The following ZC3H7B variants were observed in gnomAD, a reference collection of about 807,000 sequenced individuals.
ZC3H7B encodes zinc finger CCCH domain-containing protein 7B.
ZC3H7B carries 35 observed loss-of-function variants against 116.0 expected under a neutral mutation model. That is an observed-to-expected ratio of 0.30 (90% CI 0.23 to 0.40). The LOEUF is 0.40. Ranked by LOEUF, ZC3H7B falls within the 10% of genes least tolerant of loss-of-function variation. ZC3H7B has a pLI of 1.00. For missense variants in ZC3H7B, 1,011 were observed against 1,321.5 expected, an observed-to-expected ratio of 0.77 and a Z score of 3.64; for synonymous variants, 502 against 545.6, an observed-to-expected ratio of 0.92 and a Z score of 1.11.
At chr22:41,331,252 A>T (rs1456148458) in intron 6 of ZC3H7B, among the ~76,000 whole-genome samples, 5 of 147,852 alleles carry the variant, frequency 3.4e-5, no homozygotes, top group African/African-American at 7.5e-5. Context: ...TGTCTCAAAA[A>T]AAATAAATAA....
chr22:41,315,304 G>A (rs1288077869), intron 1 of ZC3H7B, among the ~76,000 whole-genome samples: 2 of 151,116 alleles, frequency 1.3e-5, no homozygotes, highest in African/African-American at 4.9e-5. Flanking sequence ...AGCTTCCTGA[G>A]TAGATGGGAC....
At chr22:41,323,102 G>A (rs934784783) in intron 2 of ZC3H7B, among the ~76,000 whole-genome samples, 3 of 152,288 alleles carry the variant, frequency 2.0e-5, no homozygotes, top group African/African-American at 2.4e-5. Context: ...GGTGTCCTGC[G>A]CTGGGCTGAT....
chr22:41,326,063 G>A (rs2036313846), intron 4 of ZC3H7B, 145 bp downstream of exon 4: 4 of 977,612 alleles, frequency 4.1e-6, no homozygotes, highest in Admixed American at 2.7e-5. Flanking sequence ...GTCTGTTCTC[G>A]TGGCTCTTAA....
intron 1 of ZC3H7B, among the ~76,000 whole-genome samples, chr22:41,303,641 T>C (rs2036002959): frequency 6.6e-6 from 1 of 152,204 alleles, no homozygotes; most frequent in African/African-American, 2.4e-5. Flanking sequence ...TTGTGTGTCT[T>C]GCTGGAAAGT....
chr22:41,348,672 G>A (rs1312238350), intron 15 of ZC3H7B, among the ~76,000 whole-genome samples: 2 of 152,184 alleles, frequency 1.3e-5, no homozygotes, highest in East Asian at 3.9e-4. Flanking sequence ...ACAGACCTGG[G>A]TCCAATTCCT....
intron 2 of ZC3H7B, among the ~76,000 whole-genome samples, chr22:41,324,319 C>G (rs945748645): frequency 6.6e-6 from 1 of 152,180 alleles, no homozygotes; most frequent in Non-Finnish European, 1.5e-5. Context: ...CACGCATGTG[C>G]ATACACAGCC....
chr22:41,336,748 A>G (rs2036453229), intron 7 of ZC3H7B: 1 of 151,708 alleles, frequency 6.6e-6, no homozygotes, highest in Admixed American at 6.6e-5. Context: ...GGAGGCCGAG[A>G]TTAGAGAATC....
chr22:41,339,978 C>G lies in ZC3H7B; in HGVS notation c.979C>G (p.Pro327Ala). 1 of 1,611,940 alleles carries G rather than the reference C, an allele frequency of 6.2e-7. No homozygotes were observed. Residue 327 changes from proline to alanine, a missense_variant, in exon 10 of 23, where the codon CCC becomes GCC. Pro to Ala is a conservative substitution (Grantham distance 27, BLOSUM62 -1). Transcript: ENST00000352645. Reference protein sequence around the residue: ...PPASFGLVMDPSKKLAASVLD... With the variant: ...PPASFGLVMDASKKLAASVLD... ...CGCCTCCTTCGGCTTGGTCATGGAC[C>G]CCTCCAAGAAGCTGGCCGCCTCTGT...
chr22:41,345,373 G>A (rs1159858361), intron 13 of ZC3H7B, among the ~76,000 whole-genome samples: 2 of 152,076 alleles, frequency 1.3e-5, no homozygotes, highest in African/African-American at 4.8e-5. Flanking sequence ...ATCACCTGAG[G>A]TCGGGAGTTT....
At position 41,302,212 on chromosome 22, in the gene ZC3H7B, C is replaced by T. The variant is rs2035975942; in HGVS notation, c.-7+440C>T. ...CTGGCAGGGGCGTCGCTGGCAGGGC[C>T]CCCCTTCCTTTTGTGTTGTCCTTGG... On this transcript the variant is annotated intron_variant, in intron 1 of 22. Transcript: ENST00000352645. This position sits in a 1 kb window ranked among gnomAD's most constrained non-coding sequence, Gnocchi z 5.7. 6.6e-6 allele frequency among the ~76,000 whole-genome samples: 1 copy of T among 151,912 alleles called. No individual in the cohort carries two copies. Among genetic ancestry groups the T allele is most frequent in the Non-Finnish European group, 1.5e-5 (1 of 67,918 alleles).
At chr22:41,356,982 ACCTATCT>A (rs2036730471) in intron 22 of ZC3H7B, among the ~76,000 whole-genome samples, 174 bp downstream of exon 22, 1 of 152,050 alleles carries the variant, frequency 6.6e-6, no homozygotes, top group African/African-American at 2.4e-5. Context: ...CTGGGCTCAG[ACCTATCT>A]AGACCTTTAA....
intron 12 of ZC3H7B, 67 bp from the exon 13 acceptor site, chr22:41,343,348 G>A: frequency 6.5e-7 from 1 of 1,548,950 alleles, no homozygotes; most frequent in Non-Finnish European, 8.8e-7. Flanking sequence ...CCCACCGCAT[G>A]GGCCTGCCAG....
chr22:41,333,618 T>G (rs1370312501), intron 7 of ZC3H7B: 1 of 152,026 alleles, frequency 6.6e-6, no homozygotes, highest in East Asian at 1.9e-4. Context: ...AGAATGAGAC[T>G]CCATCTGAAA....
At chr22:41,356,201 CCT>C in intron 20 of ZC3H7B, 139 bp downstream of exon 20, 1 of 1,493,184 alleles carries the variant, frequency 6.7e-7, no homozygotes. Context: ...CATGCCGGGC[CCT>C]CTCTGAGGCC....
chr22:41,334,369 G>A (rs2145923310), intron 7 of ZC3H7B: 1 of 152,364 alleles, frequency 6.6e-6, no homozygotes, highest in East Asian at 1.9e-4. Flanking sequence ...AATATGGGCT[G>A]AATGCCCAGC....
chr22:41,324,754 G>T (rs967380209), intron 2 of ZC3H7B, among the ~76,000 whole-genome samples: 1 of 152,190 alleles, frequency 6.6e-6, no homozygotes, highest in Non-Finnish European at 1.5e-5. Context: ...GATTGGGCAG[G>T]GGAGGGGCCT....
intron 1 of ZC3H7B, among the ~76,000 whole-genome samples, chr22:41,316,782 C>G (rs557549081): frequency 4.1e-4 from 62 of 152,060 alleles, no homozygotes; most frequent in Non-Finnish European, 7.5e-4. Context: ...TCAAGCGATT[C>G]TCCTGCCTTA....
chr22:41,343,627 AC>A, intron 13 of ZC3H7B, 51 bp downstream of exon 13: 1 of 1,504,230 alleles, frequency 6.6e-7, no homozygotes, highest in Non-Finnish European at 8.9e-7. Context: ...CAGCCCCTCC[AC>A]CCCCAGCCGC....
At position 41,346,296 on chromosome 22, in the gene ZC3H7B, C is replaced by T; in HGVS notation, c.1665+88C>T. ...CCTGGCACGGACCACCATAGGAAGT[C>T]AGCCCTGGAACCCGTGGGCTGTGGA... On this transcript the variant is annotated intron_variant, in intron 14 of 22. Transcript: ENST00000352645. This position sits in a 1 kb window ranked among gnomAD's most constrained non-coding sequence, Gnocchi z 5.3. 4.8e-6 allele frequency: 7 copies of T among 1,466,132 alleles called. No individual in the cohort carries two copies. The South Asian group carries it at 7.4e-5, about 15-fold the overall frequency. 90.8% of individuals were successfully genotyped at this position (1,466,132 alleles called of 1,614,324 possible).
Sources: allele counts gnomAD v4.1 joint callset (sites outside exome capture counted in the v4.1 genomes callset), GRCh38; gene constraint gnomAD v4.1.1; non-coding constraint Gnocchi (gnomAD v3.1); transcripts MANE v1.5; gene names NCBI Gene and HGNC (gene_info 2026-07-23, HGNC 2026-07-21).